The following RERE variants were observed in gnomAD, a reference collection of about 807,000 sequenced individuals.
RERE encodes arginine-glutamic acid dipeptide repeats protein.
Under a neutral mutation model 146.1 loss-of-function variants are expected in RERE, and 40 were observed. The ratio of observed to expected loss-of-function variants is 0.27; its 90% CI spans 0.21 to 0.36. The LOEUF (loss-of-function observed/expected upper bound fraction) is 0.36, where lower values mean the gene tolerates loss of function less well. Ranked by LOEUF, RERE falls within the 10% of genes least tolerant of loss-of-function variation. RERE has a pLI of 1.00. For missense variants in RERE, 1,933 were observed against 2,138.7 expected (o/e 0.90, Z 1.90); for synonymous variants, 1,003 against 866.0 (o/e 1.16, Z -2.78).
At chr1:8,620,884 A>G (rs1447721480) in intron 3 of RERE, among the ~76,000 whole-genome samples, 1 of 151,840 alleles carries the variant, frequency 6.6e-6, no homozygotes, top group African/African-American at 2.4e-5. Flanking sequence ...AGCCCAATCA[A>G]ATGAATACTT....
At chr1:8,439,850 A>G (rs937705806) in intron 11 of RERE, among the ~76,000 whole-genome samples, 4 of 152,194 alleles carry the variant, frequency 2.6e-5, no homozygotes, top group African/African-American at 9.7e-5. Flanking sequence ...AGGTGGGTGG[A>G]TCACCTGAGG....
intron 12 of RERE, among the ~76,000 whole-genome samples, chr1:8,401,038 C>CATATATATATATATATATATAT (rs59752248): frequency 9.7e-4 from 56 of 57,460 alleles, no homozygotes; most frequent in Non-Finnish European, 1.5e-3. Flanking sequence ...AAAAAAAAAC[C>CATATATATATATATATATATAT]ATATATATAT....
chr1:8,583,438 G>A (rs17386406), intron 4 of RERE, among the ~76,000 whole-genome samples: 6,694 of 152,272 alleles, frequency 0.044, 225 homozygotes, highest in Non-Finnish European at 0.06. Flanking sequence ...CAGGAGGACC[G>A]TAAAATAGCT....
At position 8,694,978 on chromosome 1, in the gene RERE, G is replaced by GGGGA. The variant is rs1553135246; in HGVS notation, c.-144-38538_-144-38537insTCCC. Among the ~76,000 whole-genome samples the GGGGA allele has an allele frequency of 5.3e-5, 5 of 94,532 alleles. 1 individual carries two copies. The highest frequency in any genetic ancestry group is 1.3e-4 in the Non-Finnish European group (5 of 38,664). The allele number at this position is 94,532 out of a possible 152,430, so 62.0% of individuals were successfully genotyped here. Reference sequence around the variant, plus strand: ...AAAGAGCCAAAGAAATCCTAAGGGGGGGGGGGGAATGCTGGCAGCATCACA... The same window carrying GGGGA: ...AAAGAGCCAAAGAAATCCTAAGGGGGGGGAGGGGGGGAATGCTGGCAGCATCACA... On this transcript the variant is annotated intron_variant, in intron 1 of 22. Transcript: ENST00000400908.
In RERE at chr1:8,453,877, G is replaced by C. The variant is rs573252816; in HGVS notation, c.1203+12048C>G. Among the ~76,000 whole-genome samples the C allele has an allele frequency of 6.6e-5, 10 of 152,198 alleles. No homozygotes were observed. The South Asian group carries it at 1.0e-3, about 16-fold the overall frequency. On this transcript the variant is annotated intron_variant, in intron 11 of 22. Coordinates refer to ENST00000400908, the MANE Select transcript of RERE (RefSeq NM_001042681.2). ...AAAATTGGATAACCAAGCTTACTTA[G>C]CTCTGTCACCCTAATTAATTAGAGG...
intron 1 of RERE, among the ~76,000 whole-genome samples, chr1:8,813,761 C>T (rs938503852): frequency 7.2e-5 from 11 of 151,896 alleles, no homozygotes; most frequent in Admixed American, 1.3e-4. Flanking sequence ...ATTACAGCCA[C>T]GCGCCAAAGT....
chr1:8,586,768 T>A (rs1399478789), intron 4 of RERE, among the ~76,000 whole-genome samples: 2 of 145,498 alleles, frequency 1.4e-5, no homozygotes, highest in Non-Finnish European at 3.0e-5. Context: ...CAAAATAGCA[T>A]CCAAACCAAA....
At chr1:8,777,307 A>T (rs535451269) in intron 1 of RERE, among the ~76,000 whole-genome samples, 1 of 152,034 alleles carries the variant, frequency 6.6e-6, no homozygotes, top group Admixed American at 6.6e-5. Flanking sequence ...AAGTGTCATC[A>T]AATATTTTTC....
chr1:8,579,043 C>G (rs1646330605), intron 4 of RERE, among the ~76,000 whole-genome samples: 1 of 152,158 alleles, frequency 6.6e-6, no homozygotes. Flanking sequence ...TTCTTGAAAT[C>G]CTTGCTTGGA....
intron 1 of RERE, among the ~76,000 whole-genome samples, chr1:8,699,862 G>A (rs955489884): frequency 5.9e-5 from 9 of 151,698 alleles, no homozygotes; most frequent in Non-Finnish European, 1.3e-4. Flanking sequence ...CCACCCCCAC[G>A]AGATCCCACT....
In RERE at chr1:8,725,081, A is replaced by C. The variant is rs529426578; in HGVS notation, c.-144-68640T>G. Among the ~76,000 whole-genome samples, 10 of 152,308 alleles carry C rather than the reference A, an allele frequency of 6.6e-5. No individual in the cohort carries two copies. In the South Asian group the frequency reaches 2.1e-3, roughly 32 times the overall value. On this transcript the variant is annotated intron_variant, in intron 1 of 22. Coordinates refer to ENST00000400908, the MANE Select transcript of RERE (RefSeq NM_001042681.2). Reference sequence around the variant, plus strand: ...CATTACTCTGTGATTAGAATGAAAAAAACATAGATGCACAAGTGGTGACAG... The same window carrying C: ...CATTACTCTGTGATTAGAATGAAAACAACATAGATGCACAAGTGGTGACAG...
At chr1:8,465,040 A>AGT in intron 11 of RERE, 1 of 152,330 alleles carries the variant, frequency 6.6e-6, no homozygotes. Context: ...TAGGTGTATT[A>AGT]GTGCCAGCCT....
chr1:8,418,725 A>G (rs1438455898), intron 12 of RERE, among the ~76,000 whole-genome samples: 3 of 152,228 alleles, frequency 2.0e-5, no homozygotes, highest in African/African-American at 7.2e-5. Flanking sequence ...CAAATCAAAC[A>G]AAAAATTATT....
intron 1 of RERE, among the ~76,000 whole-genome samples, chr1:8,674,309 C>G (rs1557473276): frequency 6.6e-6 from 1 of 151,994 alleles, no homozygotes; most frequent in Non-Finnish European, 1.5e-5. Context: ...TGGACCTGGA[C>G]ATTATCATCA....
chr1:8,395,247 G>A (rs899241338), intron 12 of RERE, among the ~76,000 whole-genome samples: 2 of 152,084 alleles, frequency 1.3e-5, no homozygotes, highest in African/African-American at 2.4e-5. Context: ...AAGCCGAGGC[G>A]GGTGGATCAC....
intron 1 of RERE, among the ~76,000 whole-genome samples, chr1:8,730,325 G>C (rs1462818600): frequency 6.6e-6 from 1 of 152,030 alleles, no homozygotes; most frequent in Non-Finnish European, 1.5e-5. Flanking sequence ...TCCCCCATTT[G>C]TTTTTGGGGT....
chr1:8,477,466 G>T (rs1193567032), intron 10 of RERE, among the ~76,000 whole-genome samples: 1 of 152,116 alleles, frequency 6.6e-6, no homozygotes, highest in African/African-American at 2.4e-5. Flanking sequence ...ACTAAAATAT[G>T]TTTTCACTTA....
At chr1:8,608,225 G>A (rs1369383480) in intron 4 of RERE, among the ~76,000 whole-genome samples, 1 of 152,152 alleles carries the variant, frequency 6.6e-6, no homozygotes, top group Non-Finnish European at 1.5e-5. Flanking sequence ...TACGGAACAA[G>A]GGCTGTGCCA....
chr1:8,716,451 CAG>C (rs1320608089), intron 1 of RERE, among the ~76,000 whole-genome samples: 4 of 152,048 alleles, frequency 2.6e-5, no homozygotes, highest in African/African-American at 9.7e-5. Context: ...GCCTGGGCAA[CAG>C]AGCAAGACTC....
Sources: gnomAD v4.1 joint callset for allele counts (sites outside exome capture counted in the v4.1 genomes callset) on GRCh38, gnomAD v4.1.1 for gene constraint, MANE v1.5 for transcripts, NCBI Gene and HGNC (gene_info 2026-07-23, HGNC 2026-07-21) for gene names.